The following AFDN variants were observed in gnomAD, a reference collection of about 807,000 sequenced individuals.
The protein encoded by AFDN is afadin, adherens junction formation factor, also known as afadin.
In AFDN, 68 loss-of-function variants were observed where a neutral mutation model predicts 216.6. The observed-to-expected ratio is 0.31, with a 90% CI of 0.26 to 0.38. The LOEUF (loss-of-function observed/expected upper bound fraction) is 0.38. Among genes scored for constraint, AFDN ranks in the 10% least tolerant of loss-of-function variants. The pLI is 1.00. For missense variants in AFDN, 2,136 were observed against 2,342.0 expected, an observed-to-expected ratio of 0.91 and a Z score of 1.82; for synonymous variants, 868 against 853.7, an observed-to-expected ratio of 1.02 and a Z score of -0.29.
Position 167,911,298 on chromosome 6 carries a change from T to A in AFDN, c.1846T>A (p.Leu616Met). Residue 616 changes from leucine (L) to methionine (M), a missense_variant, in exon 15 of 34, where the codon TTG (leucine) becomes ATG (methionine). This residue lies in a region of AFDN where 817 missense variants were observed against 965.7 expected (regional missense o/e 0.85). Coordinates refer to ENST00000683244, the MANE Select transcript of AFDN (RefSeq NM_001386888.1). ...TCTTTCCACAGCTGAAGATTCATTT[T>A]TGTCTGCCATTATAAATTATACTAA... ...EFRESSEDSFLSAIINYTNSS... is the reference protein window; with the variant it reads ...EFRESSEDSFMSAIINYTNSS... 1 of 1,613,886 alleles carries A rather than the reference T, an allele frequency of 6.2e-7. No homozygotes were observed. The highest frequency in any genetic ancestry group is 8.5e-7 in the Non-Finnish European group (1 of 1,179,798).
chr6:167,926,295 A>C (rs151148929), intron 23 of AFDN, among the ~76,000 whole-genome samples: 67 of 152,354 alleles, frequency 4.4e-4, no homozygotes, highest in Middle Eastern at 6.8e-3. Flanking sequence ...CTTTGCAGCG[A>C]ACAAGTGCAG....
intron 6 of AFDN, among the ~76,000 whole-genome samples, chr6:167,885,380 A>G (rs1012073310): frequency 1.3e-5 from 2 of 152,124 alleles, no homozygotes; most frequent in East Asian, 1.9e-4. Context: ...TGTTTAATCA[A>G]TTTTTAGCTT....
chr6:167,916,776 T>C (rs1791127407), intron 19 of AFDN, among the ~76,000 whole-genome samples: 4 of 152,182 alleles, frequency 2.6e-5, no homozygotes, highest in Admixed American at 2.0e-4. Context: ...ACACCAGTAA[T>C]TGGTCATCTG....
At chr6:167,942,633 T>C (rs1794830216) in intron 23 of AFDN, among the ~76,000 whole-genome samples, 1 of 152,234 alleles carries the variant, frequency 6.6e-6, no homozygotes, top group Non-Finnish European at 1.5e-5. Context: ...TGATATTTAT[T>C]TACAGTTACA....
At position 167,962,713 on chromosome 6, in the gene AFDN, C is replaced by T. The variant is rs1797164237; in HGVS notation, c.4968+146C>T. 2 of 1,530,226 alleles carry T rather than the reference C, an allele frequency of 1.3e-6. No homozygotes were observed. Among genetic ancestry groups the T allele is most frequent in the Admixed American group, 2.0e-5 (1 of 50,708 alleles). 94.8% of individuals were successfully genotyped at this position (1,530,226 alleles called of 1,614,324 possible). ...TGGCTCCCCCAGCTTTGTGATTGGA[C>T]CTGCAACTTTACCCCATCTGGCCCA... On this transcript the variant is annotated intron_variant, in intron 31 of 33. Transcript: ENST00000683244. This position sits in a 1 kb window ranked among gnomAD's most constrained non-coding sequence, Gnocchi z 5.2.
In AFDN at chr6:167,951,392, C is replaced by G. The variant is rs1293676831; in HGVS notation, c.4038C>G (p.Gly1346=). The G allele has an allele frequency of 6.2e-7, 1 of 1,614,146 alleles. No homozygotes were observed. The highest frequency in any genetic ancestry group is 1.7e-5 in the Admixed American group (1 of 60,026). Residue 1346 remains glycine (G), a synonymous_variant, in exon 30 of 34, where the codon GGC becomes GGG. Coordinates refer to ENST00000683244, the MANE Select transcript of AFDN (RefSeq NM_001386888.1). The surrounding 1 kb of genome is among the most constrained non-coding windows in gnomAD (Gnocchi z 7.1). ...VTPASTLTKS[G]PGRWKTPAAI... The stretch of plus-strand genomic sequence containing the variant: ...CTGCTTCCACACTGACCAAAAGTGG[C>G]CCTGGCCGTTGGAAAACACCAGCAG...
Position 167,951,244 on chromosome 6 carries a change from A to C in AFDN, c.3890A>C (p.His1297Pro), listed in dbSNP as rs1004397429. 3.1e-6 allele frequency: 5 copies of C among 1,609,248 alleles called. No homozygotes were observed. In the Middle Eastern group the frequency reaches 5.0e-4, roughly 160 times the overall value. ...REDKAYQLER[H>P]RIEAAMDRKS... ...GATAAAGCTTACCAACTTGAGCGGC[A>C]TCGAATAGAGGCAGCTATGGACCGA... Residue 1297 changes from histidine (H) to proline (P), a missense_variant, in exon 30 of 34, where the codon CAT becomes CCT. Physicochemically the swap from His to Pro is moderately conservative, Grantham distance 77. Transcript: ENST00000683244. The surrounding 1 kb of genome is among the most constrained non-coding windows in gnomAD (Gnocchi z 7.1).
intron 31 of AFDN, chr6:167,964,785 T>G: frequency 9.4e-7 from 1 of 1,066,228 alleles, no homozygotes; most frequent in Non-Finnish European, 1.1e-6. Flanking sequence ...TTACAATTCA[T>G]TGTACTTCAT....
At chr6:167,906,416 G>A in intron 12 of AFDN, among the ~76,000 whole-genome samples, 1 of 152,156 alleles carries the variant, frequency 6.6e-6, no homozygotes, top group Non-Finnish European at 1.5e-5. Context: ...ATAATCGCTA[G>A]GTGATAAGAG....
At position 167,951,359 on chromosome 6, in the gene AFDN, G is replaced by T. The variant is rs753001377; in HGVS notation, c.4005G>T (p.Ser1335=). Residue 1335 remains serine (S), a synonymous_variant, in exon 30 of 34, where the codon TCG becomes TCT. Coordinates refer to ENST00000683244, the MANE Select transcript of AFDN (RefSeq NM_001386888.1). This position sits in a 1 kb window ranked among gnomAD's most constrained non-coding sequence, Gnocchi z 7.1. Reference sequence around the variant, plus strand: ...AGCATCTGAACCATTCCTCTAAGTCGGTCACCCCTGCTTCCACACTGACCA... The same window carrying T: ...AGCATCTGAACCATTCCTCTAAGTCTGTCACCCCTGCTTCCACACTGACCA... ...SQEHLNHSSK[S]VTPASTLTKS... 6.2e-7 allele frequency: 1 copy of T among 1,614,042 alleles called. No individual in the cohort carries two copies. Among genetic ancestry groups the T allele is most frequent in the South Asian group, 1.1e-5 (1 of 91,078 alleles).
intron 23 of AFDN, among the ~76,000 whole-genome samples, chr6:167,939,259 A>T (rs1031799279): frequency 1.3e-5 from 2 of 152,246 alleles, no homozygotes; most frequent in Non-Finnish European, 2.9e-5. Flanking sequence ...TTACAAGGTC[A>T]GTATTACATT....
At chr6:167,950,167 C>CT (rs1255268592) in intron 29 of AFDN, among the ~76,000 whole-genome samples, 1 of 152,118 alleles carries the variant, frequency 6.6e-6, no homozygotes, top group Non-Finnish European at 1.5e-5. Context: ...GAGACTACTG[C>CT]TTTTTGAAGT....
At chr6:167,867,753 C>T (rs1784350578) in intron 2 of AFDN, among the ~76,000 whole-genome samples, 1 of 152,126 alleles carries the variant, frequency 6.6e-6, no homozygotes, top group African/African-American at 2.4e-5. Context: ...TCTAGCTAGT[C>T]TCATGGCCTC....
chr6:167,838,283 G>T (rs146870016), intron 1 of AFDN, among the ~76,000 whole-genome samples: 2 of 151,234 alleles, frequency 1.3e-5, no homozygotes, highest in African/African-American at 2.4e-5. Context: ...TGGCTGTGAC[G>T]CTGCGCTTGT....
chr6:167,861,142 A>G (rs1783519824), intron 1 of AFDN, among the ~76,000 whole-genome samples: 1 of 152,098 alleles, frequency 6.6e-6, no homozygotes, highest in Non-Finnish European at 1.5e-5. Flanking sequence ...AGGTTTAGGA[A>G]CTTGATTTTA....
chr6:167,859,071 GTT>G (rs933336720), intron 1 of AFDN, among the ~76,000 whole-genome samples: 3 of 109,038 alleles, frequency 2.8e-5, no homozygotes, highest in African/African-American at 6.6e-5. Context: ...GGCCGTTCTT[GTT>G]TTTTTTTTTT....
At chr6:167,836,233 A>G (rs1195762729) in intron 1 of AFDN, among the ~76,000 whole-genome samples, 1 of 152,190 alleles carries the variant, frequency 6.6e-6, no homozygotes, top group Non-Finnish European at 1.5e-5. Flanking sequence ...TAGATCTTGT[A>G]GTTCAGGGAG....
chr6:167,882,606 T>C (rs1786267727), intron 6 of AFDN, among the ~76,000 whole-genome samples: 1 of 152,078 alleles, frequency 6.6e-6, no homozygotes, highest in Non-Finnish European at 1.5e-5. Context: ...GATCTCGCCA[T>C]TGCATTCCAG....
intron 2 of AFDN, among the ~76,000 whole-genome samples, chr6:167,866,744 G>A (rs958064702): frequency 2.0e-5 from 3 of 152,180 alleles, no homozygotes; most frequent in African/African-American, 7.2e-5. Context: ...TTGTATGTAT[G>A]TGATGCCGAC....
Sources: gnomAD v4.1 joint callset for allele counts (sites outside exome capture counted in the v4.1 genomes callset) on GRCh38, gnomAD v4.1.1 for gene constraint, gnomAD v4.1.1 regional missense constraint, Gnocchi (gnomAD v3.1) non-coding constraint, MANE v1.5 for transcripts, NCBI Gene and HGNC (gene_info 2026-07-23, HGNC 2026-07-21) for gene names.